The following EYS variants were observed in gnomAD, a reference collection of about 807,000 sequenced individuals.
The protein encoded by EYS is EGF-like photoreceptor maintenance factor, also known as protein eyes shut homolog.
In EYS, 250 loss-of-function variants were observed where a neutral mutation model predicts 282.1. The observed-to-expected ratio is 0.89, with a 90% confidence interval of 0.80 to 0.98. EYS has a LOEUF of 0.98. Ranked by LOEUF, EYS falls within the 50% of genes least tolerant of loss-of-function variation. The pLI, the probability that EYS is intolerant of heterozygous loss-of-function variation, is 0.00. For missense variants in EYS, 4,016 were observed against 3,709.0 expected, an observed-to-expected ratio of 1.08 and a Z score of -2.15; for synonymous variants, 1,355 against 1,282.9, an observed-to-expected ratio of 1.06 and a Z score of -1.20.
intron 12 of EYS, among the ~76,000 whole-genome samples, chr6:65,256,214 G>C (rs1767456878): frequency 1.3e-5 from 2 of 150,858 alleles, no homozygotes; most frequent in African/African-American, 4.9e-5. Context: ...AATGAAACTA[G>C]AGGTCATAAT....
chr6:65,619,161 G>A lies in EYS; in HGVS notation c.-333+20617C>T, dbSNP rs565571002. Among the ~76,000 whole-genome samples, 18 of 151,714 alleles carry A rather than the reference G, an allele frequency of 1.2e-4. No individual in the cohort carries two copies. The East Asian group carries it at 2.7e-3, about 23-fold the overall frequency. On this transcript the variant is annotated intron_variant, in intron 2 of 42. Transcript: ENST00000503581. ...CCTTGGGCAGTATGGCCATTTTCAC[G>A]ATATTGATTCTTCCTACCCATGAGC...
At chr6:64,272,496 T>C (rs1430807894) in intron 30 of EYS, among the ~76,000 whole-genome samples, 1 of 152,194 alleles carries the variant, frequency 6.6e-6, no homozygotes, top group East Asian at 1.9e-4. Context: ...AGCATTTGCT[T>C]GTCTGTAATG....
intron 19 of EYS, among the ~76,000 whole-genome samples, chr6:64,865,112 G>A (rs11752541): frequency 0.16 from 23,637 of 152,062 alleles, 2,162 homozygotes; most frequent in East Asian, 0.49. Context: ...GATATTGGTT[G>A]CTTTATAACA....
chr6:64,561,582 C>T (rs78259765), intron 26 of EYS, among the ~76,000 whole-genome samples: 4,610 of 151,812 alleles, frequency 0.03, 155 homozygotes, highest in East Asian at 0.11. Context: ...ACAGTTGGCA[C>T]AAAAGGAATA....
intron 30 of EYS, among the ~76,000 whole-genome samples, chr6:64,301,909 C>A (rs1769251843): frequency 1.3e-5 from 2 of 152,144 alleles, no homozygotes; most frequent in Non-Finnish European, 2.9e-5. Flanking sequence ...GAGGTTGGGG[C>A]CTTAATATTG....
intron 15 of EYS, among the ~76,000 whole-genome samples, chr6:64,917,333 T>C (rs572931489): frequency 6.6e-6 from 1 of 152,330 alleles, no homozygotes; most frequent in African/African-American, 2.4e-5. Context: ...TATGTTTACC[T>C]TACCATAAAC....
chr6:65,075,778 G>A (rs576289347), intron 12 of EYS, among the ~76,000 whole-genome samples: 20 of 152,032 alleles, frequency 1.3e-4, no homozygotes, highest in African/African-American at 4.6e-4. Flanking sequence ...TTGGAGAATT[G>A]TTAACATGTC....
intron 19 of EYS, among the ~76,000 whole-genome samples, chr6:64,850,691 A>T (rs1765856776): frequency 6.6e-6 from 1 of 152,088 alleles, no homozygotes; most frequent in African/African-American, 2.4e-5. Flanking sequence ...AAGTTTTTTA[A>T]AAGTTTTTTA....
intron 2 of EYS, among the ~76,000 whole-genome samples, chr6:65,533,540 ATT>A (rs1222737428): frequency 6.6e-6 from 1 of 152,116 alleles, no homozygotes; most frequent in African/African-American, 2.4e-5. Flanking sequence ...AAAAAAGAGA[ATT>A]TTAGACCAAT....
intron 22 of EYS, among the ~76,000 whole-genome samples, chr6:64,641,424 T>A (rs536424986): frequency 1.3e-5 from 2 of 152,226 alleles, no homozygotes; most frequent in African/African-American, 4.8e-5. Context: ...CCAAACCATA[T>A]CATGCTTATA....
chr6:64,587,500 G>A (rs1396335657), intron 26 of EYS, among the ~76,000 whole-genome samples: 1 of 152,022 alleles, frequency 6.6e-6, no homozygotes, highest in Non-Finnish European at 1.5e-5. Flanking sequence ...TACATGAAGA[G>A]ATTAGACCAG....
chr6:64,207,130 G>T (rs1350473522), intron 31 of EYS, among the ~76,000 whole-genome samples: 1 of 152,042 alleles, frequency 6.6e-6, no homozygotes, highest in Non-Finnish European at 1.5e-5. Context: ...GCCAATGTAT[G>T]GTACTGGACG....
chr6:65,210,261 A>G (rs1223959463), intron 12 of EYS, among the ~76,000 whole-genome samples: 1 of 151,976 alleles, frequency 6.6e-6, no homozygotes, highest in African/African-American at 2.4e-5. Context: ...TCACAGGCAT[A>G]ATGTTTCAGT....
intron 31 of EYS, among the ~76,000 whole-genome samples, chr6:64,114,198 A>T (rs1773302415): frequency 6.6e-6 from 1 of 152,168 alleles, no homozygotes; most frequent in Admixed American, 6.5e-5. Flanking sequence ...AAATTCTGGA[A>T]TTTACTAAAG....
chr6:64,807,602 T>G (rs1385433270), intron 22 of EYS, among the ~76,000 whole-genome samples: 2 of 152,166 alleles, frequency 1.3e-5, no homozygotes, highest in African/African-American at 4.8e-5. Context: ...CTACTTCAGA[T>G]GTGCATATTA....
chr6:65,454,655 T>G (rs983560861), intron 5 of EYS, among the ~76,000 whole-genome samples: 3 of 152,082 alleles, frequency 2.0e-5, no homozygotes, highest in African/African-American at 7.2e-5. Context: ...CATATAAATA[T>G]TTGATTCATA....
chr6:64,107,869 T>G (rs867344650), intron 31 of EYS, among the ~76,000 whole-genome samples: 14 of 152,094 alleles, frequency 9.2e-5, no homozygotes, highest in African/African-American at 3.1e-4. Context: ...GCCGGTGTCC[T>G]CAGACTAGGA....
At chr6:64,705,409 A>T (rs1220634698) in intron 22 of EYS, among the ~76,000 whole-genome samples, 1 of 152,182 alleles carries the variant, frequency 6.6e-6, no homozygotes, top group Non-Finnish European at 1.5e-5. Context: ...TGCCAAAAGC[A>T]ATCTACAAAA....
intron 22 of EYS, among the ~76,000 whole-genome samples, chr6:64,671,122 G>A (rs1263914684): frequency 6.6e-6 from 1 of 152,074 alleles, no homozygotes; most frequent in African/African-American, 2.4e-5. Context: ...CTGAAGAAAT[G>A]TATCTACTTT....
Sources: allele counts gnomAD v4.1 joint callset (sites outside exome capture counted in the v4.1 genomes callset), GRCh38; gene constraint gnomAD v4.1.1; transcripts MANE v1.5; gene names NCBI Gene and HGNC (gene_info 2026-07-23, HGNC 2026-07-21).